The following TBX18 variants were observed in gnomAD, a reference collection of about 807,000 sequenced individuals.
TBX18 encodes the protein T-box transcription factor 18, also known as T-box transcription factor TBX18.
In TBX18, 21 loss-of-function variants were observed where a neutral mutation model predicts 55.0. That is an observed-to-expected ratio of 0.38 (90% CI 0.27 to 0.55). The LOEUF (loss-of-function observed/expected upper bound fraction) is 0.55, where lower values mean the gene tolerates loss of function less well. Ranked by LOEUF, TBX18 falls within the 20% of genes least tolerant of loss-of-function variation. The pLI, the probability that TBX18 is intolerant of heterozygous loss-of-function variation, is 0.73. For missense variants in TBX18, 840 were observed against 799.6 expected, an observed-to-expected ratio of 1.05 and a Z score of -0.61; for synonymous variants, 342 against 326.1, an observed-to-expected ratio of 1.05 and a Z score of -0.53.
intron 4 of TBX18, among the ~76,000 whole-genome samples, chr6:84,748,844 T>C (rs1156478559): frequency 6.6e-6 from 1 of 152,190 alleles, no homozygotes; most frequent in Non-Finnish European, 1.5e-5. Flanking sequence ...AGATTATTTG[T>C]AACAGTAGAA....
At chr6:84,762,871 G>T in intron 1 of TBX18, 123 bp from the exon 2 acceptor site, 3 of 877,088 alleles carry the variant, frequency 3.4e-6, no homozygotes, top group Non-Finnish European at 5.4e-6. Flanking sequence ...GGAAGCTTTG[G>T]TGCCATCAGG....
intron 2 of TBX18, 62 bp downstream of exon 2, chr6:84,762,482 T>G: frequency 1.3e-6 from 2 of 1,584,232 alleles, no homozygotes; most frequent in Non-Finnish European, 1.7e-6. Flanking sequence ...CTGATTGAGC[T>G]AGAGGTGAGT....
chr6:84,760,894 T>C (rs777805772), intron 2 of TBX18, among the ~76,000 whole-genome samples: 4 of 152,198 alleles, frequency 2.6e-5, no homozygotes, highest in African/African-American at 4.8e-5. Flanking sequence ...CAAAAGTTGC[T>C]CTAAATTTGA....
intron 4 of TBX18, among the ~76,000 whole-genome samples, chr6:84,753,710 C>T (rs1767412408): frequency 6.6e-6 from 1 of 152,154 alleles, no homozygotes; most frequent in Non-Finnish European, 1.5e-5. Flanking sequence ...AAATCAGAAA[C>T]AAATTCCTAA....
intron 6 of TBX18, among the ~76,000 whole-genome samples, chr6:84,742,764 A>C (rs1056405615): frequency 6.6e-6 from 1 of 152,136 alleles, no homozygotes; most frequent in African/African-American, 2.4e-5. Context: ...GTTAAGAAAA[A>C]AAAACTGAAA....
chr6:84,753,302 T>C (rs1336180713), intron 4 of TBX18, among the ~76,000 whole-genome samples: 2 of 152,192 alleles, frequency 1.3e-5, no homozygotes, highest in African/African-American at 4.8e-5. Flanking sequence ...CTACGTCCAG[T>C]CAAAGCACTG....
In TBX18 at chr6:84,763,874, G is replaced by A; in HGVS notation, c.292+16C>T. The A allele has an allele frequency of 1.3e-6, 2 of 1,486,034 alleles. No individual in the cohort carries two copies. The highest frequency in any genetic ancestry group is 1.8e-6 in the Non-Finnish European group (2 of 1,127,374). 92.1% of individuals were successfully genotyped at this position (1,486,034 alleles called of 1,614,324 possible). A position where few individuals can be genotyped will look rare whatever the true frequency, so the allele number is the denominator to read the frequency against. ...CGCGCCGGAGAGAAGTTATAGGCAG[G>A]AAGGGGCCCACTCACCCGCGGCTCC... On this transcript the variant is annotated intron_variant, in intron 1 of 7. Transcript: ENST00000369663.
intron 1 of TBX18, chr6:84,763,112 C>G: frequency 2.5e-6 from 1 of 396,284 alleles, no homozygotes; most frequent in Non-Finnish European, 4.7e-6. Flanking sequence ...GAGGAGCTCC[C>G]GGGTCCAGAG....
chr6:84,764,047 C>T lies in TBX18; in HGVS notation c.135G>A (p.Glu45=). 6.4e-7 allele frequency: 1 copy of T among 1,559,456 alleles called. No individual in the cohort carries two copies. The highest frequency in any genetic ancestry group is 8.7e-7 in the Non-Finnish European group (1 of 1,155,456). The change falls in exon 1 of 8, where the codon GAG becomes GAA. Residue 45 remains glutamate, a synonymous_variant. Coordinates refer to ENST00000369663, the MANE Select transcript of TBX18 (RefSeq NM_001080508.3). ...QKKRRKLGAE[E]AAGAVDDGGC... Reference sequence around the variant, plus strand: ...CTCCGTCGTCCACGGCCCCCGCCGCCTCTTCGGCGCCCAGTTTTCGCCGCT... The same window carrying T: ...CTCCGTCGTCCACGGCCCCCGCCGCTTCTTCGGCGCCCAGTTTTCGCCGCT...
At position 84,741,899 on chromosome 6, in the gene TBX18, C is replaced by T. The variant is rs896055613; in HGVS notation, c.1004+2362G>A. ...CTAATACACAAGTTAGAAATGCTCA[C>T]TTATGTAATTCAGGTGACTGAATTA... On this transcript the variant is annotated intron_variant, in intron 6 of 7. Transcript: ENST00000369663. The T allele has an allele frequency of 2.6e-5, 4 of 152,110 alleles. No homozygotes were observed. The East Asian group carries it at 7.7e-4, about 29-fold the overall frequency. The allele number at this position is 152,110 out of a possible 1,614,324, so 9.4% of individuals were successfully genotyped here. A position where few individuals can be genotyped will look rare whatever the true frequency, so the allele number is the denominator to read the frequency against.
chr6:84,749,058 G>A (rs889482229), intron 4 of TBX18, among the ~76,000 whole-genome samples: 9 of 152,162 alleles, frequency 5.9e-5, no homozygotes, highest in Admixed American at 1.3e-4. Context: ...GATATAAACA[G>A]TGATTGCCTC....
rs1373204205 is a variant in TBX18 at position 84,736,946 on chromosome 6, A to G, written c.1563T>C (p.Phe521=). Residue 521 remains phenylalanine (F), a synonymous_variant, in exon 8 of 8, where the codon TTT becomes TTC. Transcript: ENST00000369663. ...ATAGTGCACAGGGGCTGTGTAATCTAAAAGTATTATAGGAACCCTGATGGG... is the reference window on the plus strand; with the variant it reads ...ATAGTGCACAGGGGCTGTGTAATCTGAAAGTATTATAGGAACCCTGATGGG... The part of the protein sequence containing the change: ...NQTHQGSYNT[F]RLHSPCALYG... 1 of 1,609,306 alleles carries G rather than the reference A, an allele frequency of 6.2e-7. No individual in the cohort carries two copies. Among genetic ancestry groups the G allele is most frequent in the South Asian group, 1.1e-5 (1 of 90,426 alleles).
At position 84,747,984 on chromosome 6, in the gene TBX18, C is replaced by T. The variant is rs1452219809; in HGVS notation, c.875G>A (p.Gly292Glu). The T allele has an allele frequency of 6.2e-7, 1 of 1,613,282 alleles. No homozygotes were observed. The highest frequency in any genetic ancestry group is 2.2e-5 in the East Asian group (1 of 44,872). Reference protein sequence around the residue: ...SPIKPVPSGEGVKAFSFPETV... With the variant: ...SPIKPVPSGEEVKAFSFPETV... Reference sequence around the variant, plus strand: ...TTCTGGAAAGGAGAATGCCTTTACTCCCTCCCCGGATGGAACAGGCTTGAT... The same window carrying T: ...TTCTGGAAAGGAGAATGCCTTTACTTCCTCCCCGGATGGAACAGGCTTGAT... Residue 292 changes from glycine (G) to glutamate (E), a missense_variant, in exon 5 of 8, where the codon GGA (glycine) becomes GAA (glutamate). Gly to Glu is a moderately conservative substitution (Grantham distance 98, BLOSUM62 -2). Coordinates refer to ENST00000369663, the MANE Select transcript of TBX18 (RefSeq NM_001080508.3).
chr6:84,745,031 TTAAC>T (rs1402616703), intron 5 of TBX18, among the ~76,000 whole-genome samples: 2 of 152,146 alleles, frequency 1.3e-5, no homozygotes, highest in Non-Finnish European at 2.9e-5. Context: ...TGCTTTCACT[TTAAC>T]TTTCTTTCAA....
At position 84,763,936 on chromosome 6, in the gene TBX18, C is replaced by A; in HGVS notation, c.246G>T (p.Thr82=). The change falls in exon 1 of 8, where the codon ACG becomes ACT. Residue 82 remains threonine, a synonymous_variant. Transcript: ENST00000369663. Reference sequence around the variant, plus strand: ...CTGCGCCACTCCGAGCCGGCCCAGACGTCGCCCCAGCCGGCGGCGGGAGCG... The same window carrying A: ...CTGCGCCACTCCGAGCCGGCCCAGAAGTCGCCCCAGCCGGCGGCGGGAGCG... ...GAALPPPAGA[T]SGPARSGADL... is the part of the protein sequence containing the mutation. The A allele has an allele frequency of 6.3e-7, 1 of 1,578,668 alleles. No individual in the cohort carries two copies. The highest frequency in any genetic ancestry group is 1.7e-5 in the Admixed American group (1 of 57,466).
Position 84,736,864 on chromosome 6 carries a change from A to G in TBX18, c.1645T>C (p.Ser549Pro), listed in dbSNP as rs866116636. The G allele has an allele frequency of 6.2e-7, 1 of 1,613,620 alleles. No individual in the cohort carries two copies. Among genetic ancestry groups the G allele is most frequent in the African/African-American group, 1.3e-5 (1 of 75,028 alleles). Residue 549 changes from serine (S) to proline (P), a missense_variant, in exon 8 of 8, where the codon TCT becomes CCT. By Grantham distance (74) the Ser-to-Pro change is moderately conservative. Coordinates refer to ENST00000369663, the MANE Select transcript of TBX18 (RefSeq NM_001080508.3). ...GACCCCAAGAAACTTCCTTGGGAAG[A>G]AACAATTTTCTCAGGACTGGCAGCC... The part of the protein sequence containing the change: ...KLAASPEKIV[S>P]SQGSFLGSSP...
At chr6:84,751,691 C>A (rs1046463473) in intron 4 of TBX18, among the ~76,000 whole-genome samples, 1 of 152,200 alleles carries the variant, frequency 6.6e-6, no homozygotes, top group Non-Finnish European at 1.5e-5. Flanking sequence ...ATGCTGCACA[C>A]TTGCACAGAT....
chr6:84,744,506 C>G (rs1451813193), intron 5 of TBX18, among the ~76,000 whole-genome samples, 181 bp from the exon 6 acceptor site: 1 of 152,114 alleles, frequency 6.6e-6, no homozygotes, highest in Admixed American at 6.5e-5. Context: ...CAGAAATCAT[C>G]TAGAACATTC....
chr6:84,758,725 T>C (rs948365724), intron 3 of TBX18, among the ~76,000 whole-genome samples: 1 of 152,178 alleles, frequency 6.6e-6, no homozygotes, highest in Non-Finnish European at 1.5e-5. Context: ...AAAGTATGCA[T>C]TTTGAATAGT....
Sources: allele counts gnomAD v4.1 joint callset (sites outside exome capture counted in the v4.1 genomes callset), GRCh38; gene constraint gnomAD v4.1.1; transcripts MANE v1.5; gene names NCBI Gene and HGNC (gene_info 2026-07-23, HGNC 2026-07-21).